The following SPECC1L variants were observed in gnomAD, a reference collection of about 807,000 sequenced individuals.
SPECC1L encodes the protein sperm antigen with calponin homology and coiled-coil domains 1 like.
In SPECC1L, 40 loss-of-function variants were observed where a neutral mutation model predicts 116.8. That is an observed-to-expected ratio of 0.34 (90% CI 0.27 to 0.45). SPECC1L has a LOEUF of 0.45. Among genes scored for constraint, SPECC1L ranks in the 20% least tolerant of loss-of-function variants. The probability of loss-of-function intolerance (pLI) is 1.00; values close to 1 mark genes in which losing one functional copy is unlikely to be tolerated. For missense variants in SPECC1L, 1,110 were observed against 1,373.6 expected, an observed-to-expected ratio of 0.81 and a Z score of 3.03; for synonymous variants, 504 against 500.6, an observed-to-expected ratio of 1.01 and a Z score of -0.09.
In SPECC1L at chr22:24,416,092, T is replaced by G. The variant is rs2146837946; in HGVS notation, c.*1469T>G. On this transcript the variant is annotated 3_prime_UTR_variant, in exon 17 of 17. Coordinates refer to ENST00000314328, the MANE Select transcript of SPECC1L (RefSeq NM_015330.6). ...TCACAGGAGGCCCAGCCAGCCCGAT[T>G]GTGGGCTGAGGGGTCTGCATTCAAG... is the stretch of plus-strand genomic sequence containing the variant. 1 of 152,336 alleles carries G rather than the reference T, an allele frequency of 6.6e-6. No homozygotes were observed. The highest frequency in any genetic ancestry group is 1.9e-4 in the East Asian group (1 of 5,188). 9.4% of individuals were successfully genotyped at this position (152,336 alleles called of 1,614,324 possible). A position where few individuals can be genotyped will look rare whatever the true frequency, so the allele number is the denominator to read the frequency against.
In SPECC1L at chr22:24,410,696, A is replaced by G. The variant is rs146167209; in HGVS notation, c.3088-892A>G. On this transcript the variant is annotated intron_variant, in intron 14 of 16. Transcript: ENST00000314328. ...CCAGTACATGTGGTGCGTGGCCTGG[A>G]CCAATGCTCAGGGGGCCACGTTGTT... Among the ~76,000 whole-genome samples, 618 of 152,258 alleles carry G rather than the reference A, an allele frequency of 4.1e-3. 7 individuals are homozygous for G. Among genetic ancestry groups the G allele is most frequent in the African/African-American group, 0.014 (577 of 41,538 alleles).
At position 24,415,706 on chromosome 22, in the gene SPECC1L, AG is replaced by A. The variant is rs2146836761; in HGVS notation, c.*1085del. On this transcript the variant is annotated 3_prime_UTR_variant, in exon 17 of 17. Coordinates refer to ENST00000314328, the MANE Select transcript of SPECC1L (RefSeq NM_015330.6). ...GGGCAGCCACTGCCCTCCGTGGCCA[AG>A]GCAGGACCTCCAAGACTCAGTGGTT... The A allele has an allele frequency of 6.6e-6, 1 of 152,460 alleles. No homozygotes were observed. The highest frequency in any genetic ancestry group is 1.9e-4 in the East Asian group (1 of 5,156). 9.4% of individuals were successfully genotyped at this position (152,460 alleles called of 1,614,324 possible).
At chr22:24,301,408 A>G (rs1016000099) in intron 2 of SPECC1L, among the ~76,000 whole-genome samples, 3 of 152,226 alleles carry the variant, frequency 2.0e-5, no homozygotes, top group Admixed American at 6.5e-5. Context: ...AACCCCTCGT[A>G]AGTTGACAAT....
intron 13 of SPECC1L, among the ~76,000 whole-genome samples, chr22:24,366,194 A>T (rs1218270839): frequency 1.3e-5 from 1 of 78,704 alleles, no homozygotes; most frequent in Non-Finnish European, 2.3e-5. Context: ...AAGTGATGGA[A>T]CTTTTCTTTT....
intron 2 of SPECC1L, among the ~76,000 whole-genome samples, chr22:24,287,962 C>T (rs993233637): frequency 1.1e-4 from 17 of 152,022 alleles, no homozygotes; most frequent in Non-Finnish European, 2.4e-4. Context: ...GCAATAAGGC[C>T]CTGTGGTTCA....
At chr22:24,384,189 G>A (rs1161181210) in intron 14 of SPECC1L, among the ~76,000 whole-genome samples, 1 of 151,948 alleles carries the variant, frequency 6.6e-6, no homozygotes. Flanking sequence ...GAGAGGGCTA[G>A]GAGTGTCATA....
chr22:24,365,666 G>A, intron 13 of SPECC1L, 34 bp downstream of exon 13: 3 of 1,611,592 alleles, frequency 1.9e-6, no homozygotes, highest in Non-Finnish European at 2.5e-6. Context: ...CATTTCGTGT[G>A]TACCTTTCCT....
chr22:24,303,285 A>T (rs1160295298), intron 3 of SPECC1L, among the ~76,000 whole-genome samples: 1 of 152,226 alleles, frequency 6.6e-6, no homozygotes, highest in Admixed American at 6.5e-5. Flanking sequence ...AACTGAACCC[A>T]GGCTTATTCC....
At chr22:24,291,785 A>AT (rs1167987420) in intron 2 of SPECC1L, among the ~76,000 whole-genome samples, 1 of 152,208 alleles carries the variant, frequency 6.6e-6, no homozygotes, top group East Asian at 1.9e-4. Context: ...GAAGAAACAG[A>AT]TTTCAGAGAG....
At chr22:24,293,315 T>C (rs908332744) in intron 2 of SPECC1L, among the ~76,000 whole-genome samples, 17 of 152,072 alleles carry the variant, frequency 1.1e-4, no homozygotes, top group African/African-American at 3.6e-4. Flanking sequence ...TAACGGGGCG[T>C]GGTGGTACGC....
intron 10 of SPECC1L, among the ~76,000 whole-genome samples, chr22:24,341,500 C>G (rs1385699186): frequency 1.3e-5 from 2 of 152,154 alleles, no homozygotes; most frequent in African/African-American, 2.4e-5. Context: ...ACTAAATACC[C>G]TCAGAGTAAA....
chr22:24,288,342 G>T (rs2146357734), intron 2 of SPECC1L, among the ~76,000 whole-genome samples: 1 of 152,052 alleles, frequency 6.6e-6, no homozygotes, highest in East Asian at 1.9e-4. Context: ...GTAGCACCTT[G>T]CCTCCCACCC....
intron 13 of SPECC1L, among the ~76,000 whole-genome samples, chr22:24,368,172 T>A (rs560682120): frequency 2.1e-3 from 327 of 152,304 alleles, no homozygotes; most frequent in Non-Finnish European, 3.7e-3. Flanking sequence ...ATAGAATTTT[T>A]AAAAAATGAA....
At chr22:24,311,086 G>T (rs2040451976) in intron 3 of SPECC1L, among the ~76,000 whole-genome samples, 1 of 152,060 alleles carries the variant, frequency 6.6e-6, no homozygotes, top group Non-Finnish European at 1.5e-5. Context: ...TTTCTTTATG[G>T]ACTCTGTTTC....
intron 7 of SPECC1L, among the ~76,000 whole-genome samples, chr22:24,329,564 A>G (rs1340087394): frequency 2.6e-5 from 4 of 152,168 alleles, no homozygotes; most frequent in African/African-American, 7.2e-5. Context: ...GGCTGCTTTC[A>G]TGGTGTAAGA....
chr22:24,344,217 A>C (rs1487292407), intron 10 of SPECC1L, among the ~76,000 whole-genome samples: 2 of 152,246 alleles, frequency 1.3e-5, no homozygotes, highest in Non-Finnish European at 2.9e-5. Flanking sequence ...GCAATATAAA[A>C]GCACACATTA....
rs200759886 is a variant in SPECC1L at position 24,363,307 on chromosome 22, A to G, written c.2790A>G (p.Pro930=). 132 of 1,614,068 alleles carry G rather than the reference A, an allele frequency of 8.2e-5. No homozygotes were observed. The highest frequency in any genetic ancestry group is 2.5e-4 in the Admixed American group (15 of 59,996). ...TSSASRPASL[P]RVPAMESAKT... The stretch of plus-strand genomic sequence containing the variant: ...CAGCCAGCCGGCCTGCTTCCCTGCC[A>G]AGAGTGCCTGCGATGGAAAGTGCCA... The change falls in exon 12 of 17, where the codon CCA becomes CCG. Residue 930 remains proline (P), a synonymous_variant. Transcript: ENST00000314328.
intron 6 of SPECC1L, among the ~76,000 whole-genome samples, chr22:24,325,806 G>T (rs2040809606): frequency 6.6e-6 from 1 of 152,128 alleles, no homozygotes; most frequent in African/African-American, 2.4e-5. Context: ...GCTGTCCTGA[G>T]ATTTGCTGTC....
intron 1 of SPECC1L, 148 bp downstream of exon 1, chr22:24,271,131 G>GTCCCGCGCCTGCGCCTTTCCCT (rs1359616135): frequency 6.5e-6 from 1 of 152,758 alleles, no homozygotes; most frequent in African/African-American, 2.4e-5. Context: ...CCTCCAGTGT[G>GTCCCGCGCCTGCGCCTTTCCCT]TCCCGCGCCT....
Sources: allele counts gnomAD v4.1 joint callset (sites outside exome capture counted in the v4.1 genomes callset), GRCh38; gene constraint gnomAD v4.1.1; transcripts MANE v1.5; gene names NCBI Gene and HGNC (gene_info 2026-07-23, HGNC 2026-07-21).